ANKRD29: variants seen among roughly 807,000 people sequenced by gnomAD.
ANKRD29 encodes ankyrin repeat domain-containing protein 29.
Under a neutral mutation model 38.0 loss-of-function variants are expected in ANKRD29, and 32 were observed. The observed-to-expected ratio is 0.84, with a 90% CI of 0.64 to 1.13. The LOEUF is 1.13. ANKRD29 is among the 50% of genes most tolerant of loss of function. The pLI, the probability that ANKRD29 is intolerant of heterozygous loss-of-function variation, is 0.00. For synonymous variants in ANKRD29, 135 were observed against 152.4 expected, an observed-to-expected ratio of 0.89 and a Z score of 0.84; for missense variants, 357 against 377.9, an observed-to-expected ratio of 0.94 and a Z score of 0.46.
chr18:23,640,455 T>C (rs563540075), intron 3 of ANKRD29, among the ~76,000 whole-genome samples: 18 of 152,342 alleles, frequency 1.2e-4, no homozygotes, highest in African/African-American at 3.6e-4. Flanking sequence ...TTACAAATTT[T>C]AGCGCCCCAG....
chr18:23,633,438 C>A (rs539518914), intron 5 of ANKRD29, among the ~76,000 whole-genome samples: 1 of 152,096 alleles, frequency 6.6e-6, no homozygotes, highest in African/African-American at 2.4e-5. Flanking sequence ...ATATGCTGGG[C>A]TTTGTAGTTT....
chr18:23,652,505 A>G (rs191909447), intron 1 of ANKRD29, among the ~76,000 whole-genome samples: 7 of 152,314 alleles, frequency 4.6e-5, no homozygotes, highest in African/African-American at 1.7e-4. Flanking sequence ...TCTCCAGCTA[A>G]GATGGAAAGT....
intron 4 of ANKRD29, among the ~76,000 whole-genome samples, chr18:23,637,754 A>G (rs965490335): frequency 6.6e-6 from 1 of 152,152 alleles, no homozygotes; most frequent in Non-Finnish European, 1.5e-5. Context: ...CTTGATATCT[A>G]AATAGTCCAC....
chr18:23,633,653 C>G (rs1168892319), intron 5 of ANKRD29, among the ~76,000 whole-genome samples: 1 of 152,100 alleles, frequency 6.6e-6, no homozygotes. Context: ...TCACCGCAAC[C>G]TTCACCTCCT....
At chr18:23,632,533 G>GTATATATATATATATATATA (rs61584775) in intron 5 of ANKRD29, among the ~76,000 whole-genome samples, 43 of 130,936 alleles carry the variant, frequency 3.3e-4, no homozygotes, top group Admixed American at 2.8e-3. Flanking sequence ...GTGTGTGTGT[G>GTATATATATATATATATATA]TATATATATA....
intron 9 of ANKRD29, among the ~76,000 whole-genome samples, chr18:23,607,886 A>G (rs1297748863): frequency 6.6e-6 from 1 of 152,200 alleles, no homozygotes; most frequent in African/African-American, 2.4e-5. Flanking sequence ...AGACCCCTGC[A>G]CCCAGGGGTA....
chr18:23,642,398 G>A (rs745969729), intron 3 of ANKRD29, among the ~76,000 whole-genome samples: 14 of 152,082 alleles, frequency 9.2e-5, no homozygotes, highest in African/African-American at 1.9e-4. Flanking sequence ...AGCCACTTGC[G>A]GTACATCTGG....
chr18:23,643,088 T>C (rs2060098415), intron 3 of ANKRD29, among the ~76,000 whole-genome samples: 1 of 152,180 alleles, frequency 6.6e-6, no homozygotes. Context: ...TTGACTTCTA[T>C]CCTGGGAGAT....
intron 6 of ANKRD29, among the ~76,000 whole-genome samples, chr18:23,626,720 A>C (rs1210898501): frequency 6.6e-6 from 1 of 152,230 alleles, no homozygotes; most frequent in East Asian, 1.9e-4. Flanking sequence ...GTCTTCATTT[A>C]GTTCTCAGTG....
intron 9 of ANKRD29, among the ~76,000 whole-genome samples, chr18:23,608,678 T>C (rs574383202): frequency 2.6e-5 from 4 of 152,224 alleles, no homozygotes; most frequent in Non-Finnish European, 4.4e-5. Flanking sequence ...GCTGTGCTTG[T>C]TCATTGCTGG....
chr18:23,616,724 T>C (rs1191991303), intron 8 of ANKRD29, among the ~76,000 whole-genome samples: 7 of 146,600 alleles, frequency 4.8e-5, no homozygotes, highest in Non-Finnish European at 1.0e-4. Flanking sequence ...TATTTATTAC[T>C]ATTTACTATT....
chr18:23,612,772 G>A (rs1215541393), intron 8 of ANKRD29, among the ~76,000 whole-genome samples: 2 of 152,138 alleles, frequency 1.3e-5, no homozygotes, highest in East Asian at 1.9e-4. Context: ...GGCCTCATAG[G>A]TCAGTTGTTA....
In ANKRD29 at chr18:23,662,895, G is replaced by A. The variant is rs142431469; in HGVS notation, c.-165C>T. On this transcript the variant is annotated 5_prime_UTR_variant, in exon 1 of 10. Transcript: ENST00000592179. ...GCAGCAGCCGCCGCACACAGGGCCG[G>A]GCCGAAGGGGCGGCGCGGGGGCGCG... is the stretch of plus-strand genomic sequence containing the variant. 3.2e-3 allele frequency: 1,445 copies of A among 457,160 alleles called. 10 individuals are homozygous for A. Among genetic ancestry groups the A allele is most frequent in the Admixed American group, 4.1e-3 (65 of 15,824 alleles). The allele number at this position is 457,160 out of a possible 1,614,324, so 28.3% of individuals were successfully genotyped here. A position where few individuals can be genotyped will look rare whatever the true frequency, so the allele number is the denominator to read the frequency against.
At chr18:23,613,694 G>T (rs1189085682) in intron 8 of ANKRD29, among the ~76,000 whole-genome samples, 1 of 151,364 alleles carries the variant, frequency 6.6e-6, no homozygotes, top group African/African-American at 2.4e-5. Flanking sequence ...CTGCCTCCCG[G>T]GTTCACGCCA....
intron 6 of ANKRD29, among the ~76,000 whole-genome samples, chr18:23,625,003 C>G (rs924167000): frequency 2.0e-5 from 3 of 152,140 alleles, no homozygotes; most frequent in Admixed American, 2.0e-4. Context: ...GTATCTGAAG[C>G]GGCACTAGCT....
chr18:23,620,029 A>G (rs547305472), intron 6 of ANKRD29, among the ~76,000 whole-genome samples: 2 of 152,132 alleles, frequency 1.3e-5, no homozygotes, highest in South Asian at 4.2e-4. Context: ...AATTCCACAA[A>G]CCCAGAGAGA....
chr18:23,601,124 T>TC lies in ANKRD29; in HGVS notation c.*101dup. The TC allele has an allele frequency of 9.5e-7, 1 of 1,048,840 alleles. No individual in the cohort carries two copies. 65.0% of individuals were successfully genotyped at this position (1,048,840 alleles called of 1,614,324 possible). Reference sequence around the variant, plus strand: ...ACCCACAGGATGGGCATTCTGGGCATCTTTTTTTTTCATAAAAGAATTTCC... The same window carrying TC: ...ACCCACAGGATGGGCATTCTGGGCATCCTTTTTTTTTCATAAAAGAATTTCC... On this transcript the variant is annotated 3_prime_UTR_variant, in exon 10 of 10. Coordinates refer to ENST00000592179, the MANE Select transcript of ANKRD29 (RefSeq NM_173505.4).
chr18:23,643,533 A>G (rs1050657825), intron 3 of ANKRD29, among the ~76,000 whole-genome samples: 1 of 152,228 alleles, frequency 6.6e-6, no homozygotes, highest in African/African-American at 2.4e-5. Flanking sequence ...TCATTATTAG[A>G]GCAGTTTGAG....
rs553244701 is a variant in ANKRD29, at chr18:23,633,454, G to A, written c.429+597C>T. Among the ~76,000 whole-genome samples the A allele has an allele frequency of 1.7e-3, 254 of 152,242 alleles. 1 individual carries two copies. The highest frequency in any genetic ancestry group is 5.9e-3 in the African/African-American group (243 of 41,536). On this transcript the variant is annotated intron_variant, in intron 5 of 9. Coordinates refer to ENST00000592179, the MANE Select transcript of ANKRD29 (RefSeq NM_173505.4). ...TATGCTGGGCTTTGTAGTTTGTCAT[G>A]GTACGAATAAGTATCACATGATTTT...
Sources: allele counts gnomAD v4.1 joint callset (sites outside exome capture counted in the v4.1 genomes callset), GRCh38; gene constraint gnomAD v4.1.1; transcripts MANE v1.5; gene names NCBI Gene and HGNC (gene_info 2026-07-23, HGNC 2026-07-21).